The following COL9A1 variants were observed in gnomAD, a reference collection of about 807,000 sequenced individuals.
COL9A1 encodes the protein collagen type IX alpha 1 chain.
COL9A1 carries 104 observed loss-of-function variants against 142.6 expected under a neutral mutation model. The ratio of observed to expected loss-of-function variants is 0.73; its 90% CI spans 0.62 to 0.86. The LOEUF is 0.86. Among genes scored for constraint, COL9A1 ranks in the 40% least tolerant of loss-of-function variants. The probability of loss-of-function intolerance (pLI) is 0.00; values close to 1 mark genes in which losing one functional copy is unlikely to be tolerated. For missense variants in COL9A1, 1,210 were observed against 1,176.6 expected, an observed-to-expected ratio of 1.03 and a Z score of -0.42; for synonymous variants, 466 against 396.0, an observed-to-expected ratio of 1.18 and a Z score of -2.10.
chr6:70,297,723 T>C (rs570396668), intron 4 of COL9A1, among the ~76,000 whole-genome samples: 1 of 152,272 alleles, frequency 6.6e-6, no homozygotes, highest in South Asian at 2.1e-4. Flanking sequence ...TAAATAGTCT[T>C]TGGACCTTGA....
chr6:70,240,884 C>A, intron 31 of COL9A1, 151 bp from the exon 32 acceptor site: 1 of 734,034 alleles, frequency 1.4e-6, no homozygotes, highest in South Asian at 1.5e-5. Context: ...TCCAATCTAG[C>A]TGTCAGTGGT....
At chr6:70,217,889 C>G (rs1264201243) in intron 37 of COL9A1, among the ~76,000 whole-genome samples, 1 of 152,100 alleles carries the variant, frequency 6.6e-6, no homozygotes, top group Non-Finnish European at 1.5e-5. Flanking sequence ...GCCTGTAATC[C>G]CAGCACTTTG....
intron 7 of COL9A1, among the ~76,000 whole-genome samples, chr6:70,282,225 A>G (rs1308112930): frequency 6.6e-6 from 1 of 152,236 alleles, no homozygotes; most frequent in Non-Finnish European, 1.5e-5. Flanking sequence ...TTAAAAAAAG[A>G]AAAAGAAGAG....
chr6:70,267,099 A>G (rs901578787), intron 17 of COL9A1, among the ~76,000 whole-genome samples: 2 of 152,100 alleles, frequency 1.3e-5, no homozygotes, highest in Non-Finnish European at 2.9e-5. Flanking sequence ...AGGAGCATTA[A>G]GTCTTCTCTA....
chr6:70,250,246 G>A (rs1157299884), intron 28 of COL9A1, among the ~76,000 whole-genome samples: 1 of 152,126 alleles, frequency 6.6e-6, no homozygotes, highest in East Asian at 1.9e-4. Context: ...GGGCAACAGA[G>A]TGAGACTCTG....
intron 20 of COL9A1, among the ~76,000 whole-genome samples, chr6:70,260,228 T>C (rs1210901627): frequency 2.0e-5 from 3 of 152,152 alleles, no homozygotes; most frequent in Non-Finnish European, 4.4e-5. Flanking sequence ...TAATCACACA[T>C]CTACAAAGCA....
intron 37 of COL9A1, among the ~76,000 whole-genome samples, chr6:70,222,480 C>T (rs573323724): frequency 6.6e-6 from 1 of 152,288 alleles, no homozygotes; most frequent in South Asian, 2.1e-4. Flanking sequence ...AACAACAAAG[C>T]ACTGTAGCCA....
At chr6:70,281,072 T>C (rs1246968874) in intron 8 of COL9A1, 33 bp from the exon 9 acceptor site, 2 of 1,588,038 alleles carry the variant, frequency 1.3e-6, no homozygotes, top group East Asian at 2.2e-5. Context: ...GAGAGCAGTC[T>C]ATGAGCGGGA....
chr6:70,262,426 C>A (rs1471736895), intron 19 of COL9A1, among the ~76,000 whole-genome samples: 2 of 152,172 alleles, frequency 1.3e-5, no homozygotes, highest in Non-Finnish European at 2.9e-5. Context: ...GCACAGCTCG[C>A]TGAACCCTTT....
At chr6:70,220,993 CATTATGTA>C (rs532657922) in intron 37 of COL9A1, among the ~76,000 whole-genome samples, 125 of 151,990 alleles carry the variant, frequency 8.2e-4, no homozygotes, top group Non-Finnish European at 1.5e-3. Flanking sequence ...CTAATCTGGT[CATTATGTA>C]ATATTTCTAT....
At position 70,282,836 on chromosome 6, in the gene COL9A1, T is replaced by G; in HGVS notation, c.801+62A>C. The G allele has an allele frequency of 1.9e-6, 3 of 1,612,938 alleles. No individual in the cohort carries two copies. The South Asian group carries it at 3.3e-5, about 18-fold the overall frequency. On this transcript the variant is annotated intron_variant, in intron 7 of 37. Transcript: ENST00000357250. ...CCTTTCTCACAGCTCCCTCGACCGC[T>G]GCGCCCCGACCTGTCCTCGTGTGCG...
intron 4 of COL9A1, among the ~76,000 whole-genome samples, chr6:70,299,377 C>G (rs1200491907): frequency 6.6e-6 from 1 of 151,952 alleles, no homozygotes; most frequent in African/African-American, 2.4e-5. Context: ...TAATAATTAT[C>G]ATAATCATAA....
chr6:70,300,264 G>T, intron 3 of COL9A1, 45 bp downstream of exon 3: 9 of 1,597,786 alleles, frequency 5.6e-6, no homozygotes, highest in Non-Finnish European at 7.7e-6. Context: ...AAAAAATCAG[G>T]TTTATAGAAA....
At chr6:70,232,560 T>A in intron 36 of COL9A1, 23 bp downstream of exon 36, 2 of 1,612,772 alleles carry the variant, frequency 1.2e-6, no homozygotes, top group African/African-American at 2.7e-5. Context: ...GTTCTTTGGT[T>A]CCACATGGGC....
downstream of COL9A1, chr6:70,215,061 T>C (rs1392970770): frequency 1.3e-5 from 2 of 152,210 alleles, no homozygotes; most frequent in African/African-American, 4.8e-5. Flanking sequence ...GGTGAAAAGA[T>C]AATTTCTATG....
At chr6:70,223,778 A>G (rs1315214029) in intron 37 of COL9A1, among the ~76,000 whole-genome samples, 1 of 152,234 alleles carries the variant, frequency 6.6e-6, no homozygotes, top group Non-Finnish European at 1.5e-5. Context: ...TGGAACTCAG[A>G]TTTGTCACTA....
chr6:70,259,411 C>T (rs1218563094), intron 20 of COL9A1, among the ~76,000 whole-genome samples: 1 of 152,110 alleles, frequency 6.6e-6, no homozygotes, highest in Non-Finnish European at 1.5e-5. Flanking sequence ...AATTAACTTT[C>T]CTAACATCCA....
At chr6:70,275,344 A>G (rs1346135683) in intron 10 of COL9A1, among the ~76,000 whole-genome samples, 2 of 152,148 alleles carry the variant, frequency 1.3e-5, no homozygotes, top group Non-Finnish European at 2.9e-5. Context: ...TGCTTATCAA[A>G]GAATATTAAT....
chr6:70,235,480 C>T (rs1191504218), intron 33 of COL9A1, among the ~76,000 whole-genome samples: 1 of 151,824 alleles, frequency 6.6e-6, no homozygotes, highest in Non-Finnish European at 1.5e-5. Flanking sequence ...TAATAATAAT[C>T]TTTCTTTCGG....
Sources: gnomAD v4.1 joint callset for allele counts (sites outside exome capture counted in the v4.1 genomes callset) on GRCh38, gnomAD v4.1.1 for gene constraint, MANE v1.5 for transcripts, NCBI Gene and HGNC (gene_info 2026-07-23, HGNC 2026-07-21) for gene names.